The following DNAH1 variants were observed in gnomAD, a reference collection of about 807,000 sequenced individuals.
The protein encoded by DNAH1 is dynein axonemal heavy chain 1.
In DNAH1, 327 loss-of-function variants were observed where a neutral mutation model predicts 484.3. The ratio of observed to expected loss-of-function variants is 0.68; its 90% confidence interval spans 0.62 to 0.74. The LOEUF (loss-of-function observed/expected upper bound fraction) is 0.74, where lower values mean the gene tolerates loss of function less well. DNAH1 is among the 30% of genes least tolerant of loss of function. The probability of loss-of-function intolerance (pLI) is 0.00; values close to 1 mark genes in which losing one functional copy is unlikely to be tolerated. For synonymous variants in DNAH1, 2,192 were observed against 2,191.9 expected, an observed-to-expected ratio of 1.00 and a Z score of 0.00; for missense variants, 5,052 against 5,546.8, an observed-to-expected ratio of 0.91 and a Z score of 2.83.
intron 2 of DNAH1, 148 bp downstream of exon 2, chr3:52,322,923 C>G: frequency 1.4e-6 from 1 of 740,532 alleles, no homozygotes; most frequent in Non-Finnish European, 2.2e-6. Flanking sequence ...CCATCTACCC[C>G]CTATTATCCC....
At chr3:52,389,836 G>A (rs115360754) in intron 60 of DNAH1, among the ~76,000 whole-genome samples, 1 of 152,238 alleles carries the variant, frequency 6.6e-6, no homozygotes, top group Non-Finnish European at 1.5e-5. Flanking sequence ...GATGGACCAG[G>A]CGTGGTGGCT....
intron 46 of DNAH1, among the ~76,000 whole-genome samples, 188 bp downstream of exon 46, chr3:52,376,181 C>T (rs1578170874): frequency 6.6e-6 from 1 of 152,160 alleles, no homozygotes; most frequent in African/African-American, 2.4e-5. Context: ...GCTCATTCAC[C>T]CATTCTTAGA....
intron 5 of DNAH1, among the ~76,000 whole-genome samples, chr3:52,327,268 T>C (rs1436564696): frequency 1.3e-5 from 2 of 151,944 alleles, no homozygotes; most frequent in Admixed American, 6.6e-5. Context: ...AGAGCAGGGA[T>C]GGAAGAGGGA....
chr3:52,345,679 GCAGATC>G lies in DNAH1; in HGVS notation c.1633_1638del (p.Ile545_Gln546del). ...AGTACAGCCACCTGGAGGAATTTGA[GCAGATC>G]CAGTCACAGACCTTCTCCCAGGTTT... On this transcript the variant is annotated inframe_deletion, in exon 10 of 78. Coordinates refer to ENST00000420323, the MANE Select transcript of DNAH1 (RefSeq NM_015512.5). 5 of 1,613,224 alleles carry G rather than the reference GCAGATC, an allele frequency of 3.1e-6. No individual in the cohort carries two copies. The highest frequency in any genetic ancestry group is 3.4e-6 in the Non-Finnish European group (4 of 1,179,572).
chr3:52,322,911 A>G (rs531833904), intron 2 of DNAH1, 136 bp downstream of exon 2: 2 of 814,946 alleles, frequency 2.5e-6, no homozygotes, highest in Admixed American at 2.5e-5. Flanking sequence ...CTGTCTTTCT[A>G]TCCATCTACC....
chr3:52,396,691 G>C lies in DNAH1; in HGVS notation c.11504G>C (p.Gly3835Ala), dbSNP rs771681528. Reference protein sequence around the residue: ...HGNALERRKFGPLGFNIPYEF... With the variant: ...HGNALERRKFAPLGFNIPYEF... ...AACGCCCTGGAGCGCCGTAAGTTTGGGCCCCTGGGCTTCAACATCCCCTAT... is the reference window on the plus strand; with the variant it reads ...AACGCCCTGGAGCGCCGTAAGTTTGCGCCCCTGGGCTTCAACATCCCCTAT... Residue 3835 changes from glycine (G) to alanine (A), a missense_variant, in exon 72 of 78, where the codon GGG becomes GCG. Gly to Ala is a moderately conservative substitution (Grantham distance 60). Transcript: ENST00000420323. The C allele has an allele frequency of 1.9e-6, 3 of 1,613,748 alleles. No homozygotes were observed. Among genetic ancestry groups the C allele is most frequent in the Non-Finnish European group, 2.5e-6 (3 of 1,179,880 alleles).
At chr3:52,320,000 C>G (rs1701086074) in intron 1 of DNAH1, among the ~76,000 whole-genome samples, 1 of 152,198 alleles carries the variant, frequency 6.6e-6, no homozygotes, top group Admixed American at 6.5e-5. Context: ...ATTTGCACAT[C>G]TGTTATCTCC....
At position 52,353,064 on chromosome 3, in the gene DNAH1, TC is replaced by T. The variant is rs1702460590; in HGVS notation, c.3028-36del. 6.3e-7 allele frequency: 1 copy of T among 1,578,900 alleles called. No homozygotes were observed. Among genetic ancestry groups the T allele is most frequent in the African/African-American group, 1.3e-5 (1 of 74,358 alleles). On this transcript the variant is annotated intron_variant, in intron 18 of 77. Transcript: ENST00000420323. This position sits in a 1 kb window ranked among gnomAD's most constrained non-coding sequence, Gnocchi z 5.0. ...CAACATGGAGAGAGACTGGGAAGTG[TC>T]CCAAGACAGCCCCAGCCCTGCCCTC...
rs369984253 is a variant in DNAH1, at chr3:52,359,988, G to T, written c.4480G>T (p.Val1494Phe). 2 of 1,613,808 alleles carry T rather than the reference G, an allele frequency of 1.2e-6. No individual in the cohort carries two copies. Among genetic ancestry groups the T allele is most frequent in the African/African-American group, 2.7e-5 (2 of 74,936 alleles). The stretch of plus-strand genomic sequence containing the variant: ...GCGGGCAGTGCTGTCAGCGCTAATC[G>T]TCATTGAGGTCCATGCCAAGGACGT... ...MQRAVLSALI[V>F]IEVHAKDVVS... Residue 1494 changes from valine to phenylalanine, a missense_variant, in exon 27 of 78, where the codon GTC (valine) becomes TTC (phenylalanine). Val to Phe is a conservative substitution (Grantham distance 50). Transcript: ENST00000420323.
At position 52,372,311 on chromosome 3, in the gene DNAH1, A is replaced by T. The variant is rs751727016; in HGVS notation, c.6751A>T (p.Ser2251Cys). Residue 2251 changes from serine (S) to cysteine (C), a missense_variant, in exon 43 of 78, where the codon AGC (serine) becomes TGC (cysteine). Coordinates refer to ENST00000420323, the MANE Select transcript of DNAH1 (RefSeq NM_015512.5). The part of the protein sequence containing the change: ...LLKNLALDYI[S>C]HFLTFSARTS... Reference sequence around the variant, plus strand: ...CAAGAACCTGGCACTGGATTACATCAGCCACTTCCTCACCTTCTCAGCCCG... The same window carrying T: ...CAAGAACCTGGCACTGGATTACATCTGCCACTTCCTCACCTTCTCAGCCCG... The T allele has an allele frequency of 1.9e-6, 3 of 1,614,008 alleles. No homozygotes were observed. In the East Asian group the frequency reaches 6.7e-5, roughly 36 times the overall value.
chr3:52,372,591 A>G (rs1457067121), intron 43 of DNAH1, among the ~76,000 whole-genome samples: 4 of 152,240 alleles, frequency 2.6e-5, no homozygotes, highest in Non-Finnish European at 5.9e-5. Flanking sequence ...AAAGCCAGTC[A>G]GCGAGTGGGT....
intron 8 of DNAH1, among the ~76,000 whole-genome samples, chr3:52,343,266 G>C (rs1445644311): frequency 6.6e-6 from 1 of 152,162 alleles, no homozygotes; most frequent in Non-Finnish European, 1.5e-5. Context: ...GGCTTCTAAT[G>C]TGGGACATAC....
At chr3:52,363,208 G>T in intron 32 of DNAH1, 64 bp downstream of exon 32, 1 of 1,593,264 alleles carries the variant, frequency 6.3e-7, no homozygotes, top group South Asian at 1.1e-5. Flanking sequence ...AGCCTCCAGG[G>T]CACCTGCTGA....
Position 52,352,657 on chromosome 3 carries a change from G to T in DNAH1, c.2977G>T (p.Ala993Ser), listed in dbSNP as rs771568448. The T allele has an allele frequency of 3.1e-6, 5 of 1,613,136 alleles. No homozygotes were observed. The Admixed American group carries it at 8.3e-5, about 27-fold the overall frequency. The change falls in exon 18 of 78, where the codon GCC (alanine) becomes TCC (serine). Residue 993 changes from alanine (A) to serine (S), a missense_variant. Transcript: ENST00000420323. ...KKQLKDCQQL[A>S]MLYNNRERIF... ...GCAGCTGAAGGACTGCCAGCAGCTG[G>T]CCATGCTCTACAACAACCGCGAGCG...
rs1702104499 is a variant in DNAH1 at position 52,345,491 on chromosome 3, G to T, written c.1445-4G>T. ...ATACTGGCCCTTGGCCCCTATCCCT[G>T]CAGGGCTGGTGAGTGTCCCCAAGTA... On this transcript the variant is annotated splice_polypyrimidine_tract_variant and splice_region_variant and intron_variant, in intron 9 of 77. Coordinates refer to ENST00000420323, the MANE Select transcript of DNAH1 (RefSeq NM_015512.5). The T allele has an allele frequency of 6.4e-7, 1 of 1,558,878 alleles. No individual in the cohort carries two copies. The highest frequency in any genetic ancestry group is 1.2e-5 in the South Asian group (1 of 84,658).
intron 8 of DNAH1, among the ~76,000 whole-genome samples, chr3:52,339,755 A>C (rs1701864003): frequency 6.6e-6 from 1 of 151,618 alleles, no homozygotes; most frequent in Non-Finnish European, 1.5e-5. Context: ...AGTATTGCAC[A>C]TTAGTTTTTT....
In DNAH1 at chr3:52,396,955, G is replaced by T. The variant is rs753112890; in HGVS notation, c.11698G>T (p.Asp3900Tyr). 6.2e-7 allele frequency: 1 copy of T among 1,613,404 alleles called. No homozygotes were observed. The highest frequency in any genetic ancestry group is 1.7e-5 in the Admixed American group (1 of 59,978). ...GCGCTGCATCATGAACATCTTGGAGGACTTCTACAACCCTGACGTGCTCTC... is the reference window on the plus strand; with the variant it reads ...GCGCTGCATCATGAACATCTTGGAGTACTTCTACAACCCTGACGTGCTCTC... ...DRRCIMNILE[D>Y]FYNPDVLSPE... The change falls in exon 73 of 78, where the codon GAC becomes TAC. Residue 3900 changes from aspartate to tyrosine, a missense_variant. Physicochemically the swap from Asp to Tyr is radical, Grantham distance 160 (BLOSUM62 -3). Around this residue, in one of 4 missense-constraint regions of DNAH1, gnomAD observed 853 missense variants for 899.0 expected, o/e 0.95. Transcript: ENST00000420323.
chr3:52,356,036 C>G (rs774978053), intron 21 of DNAH1, among the ~76,000 whole-genome samples: 1 of 152,176 alleles, frequency 6.6e-6, no homozygotes, highest in Non-Finnish European at 1.5e-5. Flanking sequence ...TGACTGTGAC[C>G]CCCATCCCAT....
intron 45 of DNAH1, among the ~76,000 whole-genome samples, chr3:52,375,728 A>ACATT (rs1703562182): frequency 6.6e-6 from 1 of 152,214 alleles, no homozygotes; most frequent in Non-Finnish European, 1.5e-5. Context: ...TCACATACAT[A>ACATT]CATACGTATA....
Sources: allele counts gnomAD v4.1 joint callset (sites outside exome capture counted in the v4.1 genomes callset), GRCh38; gene constraint gnomAD v4.1.1; regional missense constraint gnomAD v4.1.1; non-coding constraint Gnocchi (gnomAD v3.1); transcripts MANE v1.5; gene names NCBI Gene and HGNC (gene_info 2026-07-23, HGNC 2026-07-21).